Variants in NTN4 observed in about 807,000 individuals in gnomAD.
NTN4 encodes netrin 4, also known as netrin-4.
A neutral mutation model predicts 73.6 loss-of-function variants in NTN4; 32 were observed. The ratio of observed to expected loss-of-function variants is 0.44; its 90% CI spans 0.33 to 0.58. The LOEUF (loss-of-function observed/expected upper bound fraction) is 0.58, where lower values mean the gene tolerates loss of function less well. NTN4 is among the 20% of genes least tolerant of loss of function. The pLI is 0.04. For missense variants in NTN4, 654 were observed against 798.3 expected (o/e 0.82, Z 2.18); for synonymous variants, 258 against 287.5 (o/e 0.90, Z 1.04).
intron 9 of NTN4, among the ~76,000 whole-genome samples, chr12:95,662,923 G>C (rs1265639295): frequency 6.6e-6 from 1 of 152,068 alleles, no homozygotes; most frequent in Non-Finnish European, 1.5e-5. Context: ...TTTGAGACCA[G>C]TTTGAGACCA....
intron 7 of NTN4, among the ~76,000 whole-genome samples, chr12:95,681,188 CAAAA>C (rs11366396): frequency 7.3e-5 from 7 of 95,464 alleles, no homozygotes; most frequent in African/African-American, 8.1e-5. Context: ...GACTTTGTCT[CAAAA>C]AAAAAAAAAA....
chr12:95,668,567 C>A (rs557956814), intron 8 of NTN4, among the ~76,000 whole-genome samples: 3 of 152,302 alleles, frequency 2.0e-5, no homozygotes, highest in African/African-American at 7.2e-5. Flanking sequence ...CACTTATTTA[C>A]TTTTTAAAAT....
rs2302896 is a variant in NTN4 at position 95,683,653 on chromosome 12, G to A, written c.1239C>T (p.Cys413=). The change falls in exon 6 of 10, where the codon TGC becomes TGT. Residue 413 remains cysteine, a synonymous_variant. Transcript: ENST00000343702. The stretch of plus-strand genomic sequence containing the variant: ...AAGGGCAGTCACCATTGCTGGGGTC[G>A]CAGAAGGTCACTGAGTTGGCAGGAA... The part of the protein sequence containing the change: ...AVLPANSVTF[C]DPSNGDCPCK... 4.8e-3 allele frequency: 7,779 copies of A among 1,613,838 alleles called. 252 individuals carry two copies. In the East Asian group the frequency reaches 0.083, roughly 17 times the overall value.
chr12:95,747,177 A>T (rs1297680178), intron 2 of NTN4, among the ~76,000 whole-genome samples: 3 of 132,198 alleles, frequency 2.3e-5, no homozygotes, highest in African/African-American at 5.8e-5. Context: ...TTCCTGAAAA[A>T]TTTGAAAAAG....
At chr12:95,691,812 CAAAA>C (rs2078403597) in intron 5 of NTN4, among the ~76,000 whole-genome samples, 4 of 151,948 alleles carry the variant, frequency 2.6e-5, no homozygotes, top group Admixed American at 1.3e-4. Flanking sequence ...CCTTAAGAGC[CAAAA>C]TATTACACTG....
chr12:95,700,211 G>C (rs2078474172), intron 5 of NTN4, among the ~76,000 whole-genome samples: 1 of 148,084 alleles, frequency 6.8e-6, no homozygotes. Flanking sequence ...TGGTCCTCCT[G>C]CCTGAGCCTC....
intron 7 of NTN4, chr12:95,672,321 T>A: frequency 1.3e-6 from 1 of 783,316 alleles, no homozygotes; most frequent in Non-Finnish European, 2.4e-6. Flanking sequence ...GCCTACAAAC[T>A]GGTGCTGATC....
chr12:95,701,659 C>T (rs946638381), intron 5 of NTN4, among the ~76,000 whole-genome samples: 4 of 152,124 alleles, frequency 2.6e-5, no homozygotes, highest in Admixed American at 6.5e-5. Context: ...TTCAGGGCCT[C>T]GTTTCTTCAG....
intron 2 of NTN4, among the ~76,000 whole-genome samples, chr12:95,780,195 C>A (rs2079122319): frequency 6.6e-6 from 1 of 152,210 alleles, no homozygotes; most frequent in East Asian, 1.9e-4. Flanking sequence ...ACCATAAAAA[C>A]CCTAGAAGAA....
At position 95,709,785 on chromosome 12, in the gene NTN4, G is replaced by T. The variant is rs149507961; in HGVS notation, c.1180+656C>A. Among the ~76,000 whole-genome samples the T allele has an allele frequency of 2.2e-3, 331 of 152,076 alleles. 1 individual carries two copies. The highest frequency in any genetic ancestry group is 3.9e-3 in the Non-Finnish European group (268 of 68,012). ...TAAGCTCAAACGATCCGCCTGCCTT[G>T]GCCTCCCAAAGTGCTGGGATTACAG... On this transcript the variant is annotated intron_variant, in intron 5 of 9. Coordinates refer to ENST00000343702, the MANE Select transcript of NTN4 (RefSeq NM_021229.4).
At chr12:95,672,691 C>T (rs2078242622) in intron 7 of NTN4, 1 of 1,446,490 alleles carries the variant, frequency 6.9e-7, no homozygotes, top group South Asian at 1.1e-5. Context: ...GGAGCCTGAC[C>T]ATCCTTTCTA....
chr12:95,773,131 G>C (rs1402089306), intron 2 of NTN4, among the ~76,000 whole-genome samples: 1 of 152,028 alleles, frequency 6.6e-6, no homozygotes, highest in Non-Finnish European at 1.5e-5. Flanking sequence ...CGCCTCCCGA[G>C]TAGCTGGAAT....
At chr12:95,665,762 A>C in intron 9 of NTN4, 48 bp downstream of exon 9, 1 of 1,460,682 alleles carries the variant, frequency 6.8e-7, no homozygotes. Flanking sequence ...CAAGCAGCAA[A>C]TCAGCAGAGA....
intron 5 of NTN4, among the ~76,000 whole-genome samples, chr12:95,694,187 TA>T (rs2078423349): frequency 6.6e-6 from 1 of 152,238 alleles, no homozygotes; most frequent in Non-Finnish European, 1.5e-5. Context: ...TATTTTGTTA[TA>T]AAAGCTACAC....
chr12:95,719,900 A>G (rs1205269586), intron 3 of NTN4, among the ~76,000 whole-genome samples: 1 of 152,236 alleles, frequency 6.6e-6, no homozygotes, highest in African/African-American at 2.4e-5. Flanking sequence ...TAAAAATGCA[A>G]GTAGAAATGA....
chr12:95,738,193 C>T (rs1245971968), intron 2 of NTN4, 49 bp from the exon 3 acceptor site: 2 of 1,510,832 alleles, frequency 1.3e-6, no homozygotes, highest in East Asian at 2.3e-5. Flanking sequence ...GTGCGCAAAC[C>T]CTGAATTGTT....
At chr12:95,681,149 A>G (rs1051887582) in intron 7 of NTN4, among the ~76,000 whole-genome samples, 1 of 145,424 alleles carries the variant, frequency 6.9e-6, no homozygotes, top group East Asian at 2.0e-4. Flanking sequence ...AGATTGTGCC[A>G]CTGCACTCCA....
chr12:95,731,501 G>A (rs1345226444), intron 3 of NTN4, among the ~76,000 whole-genome samples: 2 of 152,186 alleles, frequency 1.3e-5, no homozygotes, highest in Admixed American at 1.3e-4. Flanking sequence ...GGGAGGCAGA[G>A]GTTGCAGTGA....
intron 9 of NTN4, among the ~76,000 whole-genome samples, chr12:95,659,995 G>GTT (rs948042402): frequency 6.7e-6 from 1 of 148,340 alleles, no homozygotes; most frequent in Admixed American, 6.8e-5. Context: ...TATTAAGGAG[G>GTT]TTTTTTTTTT....
Sources: allele counts gnomAD v4.1 joint callset (sites outside exome capture counted in the v4.1 genomes callset), GRCh38; gene constraint gnomAD v4.1.1; transcripts MANE v1.5; gene names NCBI Gene and HGNC (gene_info 2026-07-23, HGNC 2026-07-21).